Variants in ALDH1L1 observed in about 807,000 individuals in gnomAD.
ALDH1L1 encodes aldehyde dehydrogenase 1 family member L1.
In ALDH1L1, 68 loss-of-function variants were observed where a neutral mutation model predicts 101.1. The ratio of observed to expected loss-of-function variants is 0.67; its 90% CI spans 0.55 to 0.82. ALDH1L1 has a LOEUF of 0.82. Among genes scored for constraint, ALDH1L1 ranks in the 40% least tolerant of loss-of-function variants. ALDH1L1 has a pLI of 0.00. For synonymous variants in ALDH1L1, 486 were observed against 470.8 expected, an observed-to-expected ratio of 1.03 and a Z score of -0.42; for missense variants, 1,087 against 1,172.7, an observed-to-expected ratio of 0.93 and a Z score of 1.07.
At chr3:126,190,368 A>G (rs1375884476) in intron 1 of ALDH1L1, among the ~76,000 whole-genome samples, 1 of 152,076 alleles carries the variant, frequency 6.6e-6, no homozygotes, top group Non-Finnish European at 1.5e-5. Context: ...CCCCACCAAT[A>G]TTTTTCGTAA....
intron 2 of ALDH1L1, chr3:126,159,342 A>C (rs1202573616): frequency 2.3e-6 from 1 of 433,020 alleles, no homozygotes; most frequent in Admixed American, 2.5e-5. Context: ...CAAGCTCCCA[A>C]GTTTTTATAG....
chr3:126,117,643 C>T (rs2079996890), intron 17 of ALDH1L1, among the ~76,000 whole-genome samples: 1 of 141,976 alleles, frequency 7.0e-6, no homozygotes, highest in East Asian at 2.0e-4. Context: ...CAGATCAAGA[C>T]CCTGTCTCAA....
intron 10 of ALDH1L1, 101 bp downstream of exon 10, chr3:126,137,712 G>A (rs540690951): frequency 2.0e-6 from 3 of 1,483,124 alleles, no homozygotes; most frequent in South Asian, 2.7e-5. Context: ...TGGGGCCCTG[G>A]CTTTCTGAAT....
intron 10 of ALDH1L1, 139 bp from the exon 11 acceptor site, chr3:126,137,022 G>A: frequency 7.8e-7 from 1 of 1,284,408 alleles, no homozygotes; most frequent in South Asian, 1.5e-5. Flanking sequence ...CAGCTGAGCA[G>A]GGGAGAGACA....
intron 1 of ALDH1L1, among the ~76,000 whole-genome samples, chr3:126,189,608 C>G (rs1393385323): frequency 1.3e-5 from 2 of 152,184 alleles, no homozygotes; most frequent in African/African-American, 2.4e-5. Flanking sequence ...TCCAGAAGAC[C>G]TTGTCTTCAG....
At chr3:126,156,664 G>A (rs2080912831) in intron 4 of ALDH1L1, 2 of 152,434 alleles carry the variant, frequency 1.3e-5, no homozygotes, top group South Asian at 2.1e-4. Context: ...CAGCTGCCCA[G>A]GTGACTGAGC....
intron 9 of ALDH1L1, among the ~76,000 whole-genome samples, chr3:126,140,543 T>C (rs62265224): frequency 0.22 from 34,080 of 152,030 alleles, 4,674 homozygotes; most frequent in African/African-American, 0.39. Context: ...GTAACTTCTC[T>C]CTTTTTCCTA....
rs775766256 is a variant in ALDH1L1, at chr3:126,110,055, G to C, written c.2236C>G (p.His746Asp). ...VGNPLDRDTD[H>D]GPQNHHAHLV... Reference sequence around the variant, plus strand: ...TGGGCATGGTGATTCTGCGGCCCGTGGTCGGTGTCCCTGTCCAGCGGGTTG... The same window carrying C: ...TGGGCATGGTGATTCTGCGGCCCGTCGTCGGTGTCCCTGTCCAGCGGGTTG... Residue 746 changes from histidine (H) to aspartate (D), a missense_variant, in exon 20 of 23, where the codon CAC (histidine) becomes GAC (aspartate). By Grantham distance (81) the His-to-Asp change is moderately conservative. Transcript: ENST00000393434. 182 of 1,614,090 alleles carry C rather than the reference G, an allele frequency of 1.1e-4. No individual in the cohort carries two copies. The highest frequency in any genetic ancestry group is 1.5e-4 in the Non-Finnish European group (179 of 1,180,046).
intron 9 of ALDH1L1, among the ~76,000 whole-genome samples, chr3:126,143,723 A>G (rs1038032328): frequency 2.4e-4 from 36 of 152,226 alleles, no homozygotes; most frequent in Non-Finnish European, 1.5e-4. Context: ...TGGGAGGATC[A>G]CTTGAGCCTA....
chr3:126,175,711 C>T (rs1045143051), intron 1 of ALDH1L1, among the ~76,000 whole-genome samples: 3 of 152,106 alleles, frequency 2.0e-5, no homozygotes, highest in African/African-American at 7.2e-5. Context: ...TAAAGAAGAT[C>T]TATGAAAAAC....
chr3:126,197,070 T>G (rs4679107), intron 1 of ALDH1L1, among the ~76,000 whole-genome samples: 94,661 of 152,010 alleles, frequency 0.62, 29,543 homozygotes, highest in Middle Eastern at 0.67. Context: ...AAGCTACCAA[T>G]GACATAAAAC....
At chr3:126,187,043 C>T (rs1008324010) in intron 1 of ALDH1L1, among the ~76,000 whole-genome samples, 1 of 152,060 alleles carries the variant, frequency 6.6e-6, no homozygotes, top group Non-Finnish European at 1.5e-5. Flanking sequence ...GAGCGGGGAT[C>T]GAGGAGAGGC....
intron 1 of ALDH1L1, among the ~76,000 whole-genome samples, chr3:126,163,220 T>C (rs1023480688): frequency 7.2e-5 from 11 of 152,328 alleles, no homozygotes; most frequent in African/African-American, 2.6e-4. Context: ...TATTCGAGTT[T>C]TGACCCATTT....
intron 10 of ALDH1L1, among the ~76,000 whole-genome samples, chr3:126,137,225 A>G (rs2080465321): frequency 6.6e-6 from 1 of 152,162 alleles, no homozygotes; most frequent in Non-Finnish European, 1.5e-5. Context: ...ATCCCTGTGG[A>G]TTGGCAATTC....
chr3:126,139,277 T>G (rs2080516318), intron 9 of ALDH1L1, among the ~76,000 whole-genome samples: 1 of 152,234 alleles, frequency 6.6e-6, no homozygotes, highest in Non-Finnish European at 1.5e-5. Context: ...AAATCTTTGT[T>G]AGGTCACTGG....
chr3:126,155,155 G>A (rs2080879815), intron 5 of ALDH1L1, among the ~76,000 whole-genome samples: 1 of 152,162 alleles, frequency 6.6e-6, no homozygotes, highest in Admixed American at 6.5e-5. Flanking sequence ...GGCTTTGTCT[G>A]CCCATTCCTC....
Position 126,103,812 on chromosome 3 carries a change from C to T in ALDH1L1, c.2688G>A (p.Lys896=), listed in dbSNP as rs1417488454. 6.2e-7 allele frequency: 1 copy of T among 1,613,628 alleles called. No individual in the cohort carries two copies. Among genetic ancestry groups the T allele is most frequent in the Admixed American group, 1.7e-5 (1 of 59,956 alleles). Reference sequence around the variant, plus strand: ...TTCTTCAGTATTCGAAGGTCACTGTCTTGACCCGCAGGTACTCGTTCAGAG... The same window carrying T: ...TTCTTCAGTATTCGAAGGTCACTGTTTTGACCCGCAGGTACTCGTTCAGAG... The part of the protein sequence containing the change: ...EAALNEYLRV[K]TVTFEY Residue 896 remains lysine, a synonymous_variant, in exon 23 of 23, where the codon AAG becomes AAA. Transcript: ENST00000393434.
chr3:126,179,076 G>C (rs550657846), intron 1 of ALDH1L1, among the ~76,000 whole-genome samples: 2 of 152,258 alleles, frequency 1.3e-5, no homozygotes, highest in Admixed American at 1.3e-4. Flanking sequence ...CCTCAATCAG[G>C]CTTGCCCTTT....
intron 11 of ALDH1L1, 82 bp downstream of exon 11, chr3:126,136,682 A>C: frequency 6.5e-7 from 1 of 1,528,138 alleles, no homozygotes; most frequent in Admixed American, 2.0e-5. Context: ...CAGGGTCAGG[A>C]CCCCCAGAGG....
Sources: allele counts gnomAD v4.1 joint callset (sites outside exome capture counted in the v4.1 genomes callset), GRCh38; gene constraint gnomAD v4.1.1; transcripts MANE v1.5; gene names NCBI Gene and HGNC (gene_info 2026-07-23, HGNC 2026-07-21).